The following CCDC171 variants were observed in gnomAD, a reference collection of about 807,000 sequenced individuals.
CCDC171 encodes the protein coiled-coil domain containing 171.
In CCDC171, 177 loss-of-function variants were observed where a neutral mutation model predicts 168.2. The observed-to-expected ratio is 1.05, with a 90% CI of 0.93 to 1.19. The LOEUF is 1.19. CCDC171 is among the 50% of genes most tolerant of loss of function. CCDC171 has a pLI of 0.00. For synonymous variants in CCDC171, 687 were observed against 540.8 expected, an observed-to-expected ratio of 1.27 and a Z score of -3.75; for missense variants, 1,991 against 1,539.0, an observed-to-expected ratio of 1.29 and a Z score of -4.91.
chr9:15,594,036 T>G lies in CCDC171; in HGVS notation c.544-5T>G, dbSNP rs764891150. On this transcript the variant is annotated splice_region_variant and splice_polypyrimidine_tract_variant and intron_variant, in intron 5 of 25. Coordinates refer to ENST00000380701, the MANE Select transcript of CCDC171 (RefSeq NM_173550.4). Reference sequence around the variant, plus strand: ...ACAGTAAAGCAAGATTTTATTTATATAAAGGAAGCGTTGGAAAAACATCAA... The same window carrying G: ...ACAGTAAAGCAAGATTTTATTTATAGAAAGGAAGCGTTGGAAAAACATCAA... 8.9e-6 allele frequency: 14 copies of G among 1,575,850 alleles called. No homozygotes were observed. The African/African-American group carries it at 1.9e-4, about 22-fold the overall frequency.
At chr9:16,053,747 A>G (rs1305992823) in intron 1 of CCDC171, among the ~76,000 whole-genome samples, 1 of 152,178 alleles carries the variant, frequency 6.6e-6, no homozygotes, top group East Asian at 1.9e-4. Flanking sequence ...GCACCTCAAG[A>G]TGGTGTCTCC....
intron 12 of CCDC171, 129 bp from the exon 13 acceptor site, chr9:15,723,551 GA>G (rs2053619532): frequency 2.2e-5 from 14 of 643,674 alleles, no homozygotes; most frequent in South Asian, 3.9e-5. Flanking sequence ...AATTACTATT[GA>G]AAAATTTGTA....
At chr9:15,923,148 A>G (rs762842339) in intron 25 of CCDC171, among the ~76,000 whole-genome samples, 1 of 151,368 alleles carries the variant, frequency 6.6e-6, no homozygotes, top group Admixed American at 6.6e-5. Flanking sequence ...GAACAATGGC[A>G]TGGAGTTACC....
At chr9:15,860,574 A>G (rs558981155) in intron 23 of CCDC171, among the ~76,000 whole-genome samples, 1 of 152,036 alleles carries the variant, frequency 6.6e-6, no homozygotes, top group East Asian at 1.9e-4. Flanking sequence ...TTTTTCTTCT[A>G]TACTTTGTTT....
intron 24 of CCDC171, among the ~76,000 whole-genome samples, chr9:15,908,074 A>T (rs1032988356): frequency 8.6e-5 from 13 of 151,744 alleles, no homozygotes; most frequent in East Asian, 1.9e-4. Flanking sequence ...AAACTAGTTC[A>T]ACCATTGTGG....
At chr9:16,060,344 G>A (rs558121379) in intron 1 of CCDC171, among the ~76,000 whole-genome samples, 3 of 152,136 alleles carry the variant, frequency 2.0e-5, no homozygotes, top group Non-Finnish European at 2.9e-5. Context: ...TTTGCGTGGC[G>A]CCTCGAGACC....
intron 23 of CCDC171, among the ~76,000 whole-genome samples, chr9:15,873,744 T>C (rs1817488387): frequency 1.3e-5 from 2 of 152,116 alleles, no homozygotes. Flanking sequence ...ATATAAGGAA[T>C]ATTTTCTCAT....
chr9:15,670,851 T>G (rs1049298105), intron 9 of CCDC171, among the ~76,000 whole-genome samples: 1 of 152,132 alleles, frequency 6.6e-6, no homozygotes, highest in Admixed American at 6.6e-5. Context: ...AATAAAGATT[T>G]ATGGAATTGG....
chr9:15,698,492 GC>G (rs1231656215), intron 11 of CCDC171, among the ~76,000 whole-genome samples: 4 of 141,796 alleles, frequency 2.8e-5, no homozygotes, highest in African/African-American at 1.1e-4. Flanking sequence ...CTGCACTCCA[GC>G]CTGGGCAACA....
At chr9:15,885,839 A>G (rs1351250320) in intron 24 of CCDC171, 1 of 152,192 alleles carries the variant, frequency 6.6e-6, no homozygotes, top group Non-Finnish European at 1.5e-5. Flanking sequence ...AAATCAGTCT[A>G]AAGCTAAGTA....
At chr9:15,647,930 CAG>C (rs2047182616) in intron 7 of CCDC171, among the ~76,000 whole-genome samples, 1 of 152,190 alleles carries the variant, frequency 6.6e-6, no homozygotes, top group South Asian at 2.1e-4. Context: ...CAAAGCCTGG[CAG>C]AGACACAACA....
At chr9:15,583,408 CAA>C (rs753789809) in intron 4 of CCDC171, among the ~76,000 whole-genome samples, 8 of 95,784 alleles carry the variant, frequency 8.4e-5, no homozygotes, top group Non-Finnish European at 6.2e-5. Flanking sequence ...GACTCCATCT[CAA>C]AAAAAAAAAA....
At chr9:15,673,341 A>G (rs1160736445) in intron 9 of CCDC171, among the ~76,000 whole-genome samples, 5 of 152,128 alleles carry the variant, frequency 3.3e-5, no homozygotes, top group Non-Finnish European at 5.9e-5. Context: ...AATACGCTTT[A>G]TTTCTTTCTC....
At chr9:15,587,963 G>A (rs201746654) in intron 4 of CCDC171, among the ~76,000 whole-genome samples, 1 of 152,150 alleles carries the variant, frequency 6.6e-6, no homozygotes, top group African/African-American at 2.4e-5. Context: ...GAGGCCAGGC[G>A]CGGTGGCTCA....
intron 6 of CCDC171, among the ~76,000 whole-genome samples, chr9:15,600,770 G>A (rs1365678561): frequency 1.3e-5 from 2 of 152,214 alleles, no homozygotes; most frequent in African/African-American, 4.8e-5. Context: ...TCCTTGAGCT[G>A]CGGTGGGCTC....
chr9:15,943,010 A>G (rs1307607232), intron 25 of CCDC171, among the ~76,000 whole-genome samples: 1 of 152,002 alleles, frequency 6.6e-6, no homozygotes, highest in African/African-American at 2.4e-5. Context: ...AAGCCGTATA[A>G]GGAGATGGGT....
chr9:15,669,870 G>A (rs1195559418), intron 9 of CCDC171, among the ~76,000 whole-genome samples: 1 of 138,296 alleles, frequency 7.2e-6, no homozygotes, highest in South Asian at 2.3e-4. Flanking sequence ...CATTATTTTT[G>A]TTTACATTAT....
At chr9:16,057,624 C>T (rs1386683733) in intron 1 of CCDC171, among the ~76,000 whole-genome samples, 1 of 152,288 alleles carries the variant, frequency 6.6e-6, no homozygotes, top group East Asian at 1.9e-4. Context: ...ACCCTTGTCC[C>T]TTGTCTCTTC....
chr9:15,581,150 G>A (rs2041080562), intron 4 of CCDC171, among the ~76,000 whole-genome samples: 1 of 152,062 alleles, frequency 6.6e-6, no homozygotes, highest in Non-Finnish European at 1.5e-5. Flanking sequence ...GACAAACAGA[G>A]AGCCAAATCA....
Sources: allele counts gnomAD v4.1 joint callset (sites outside exome capture counted in the v4.1 genomes callset), GRCh38; gene constraint gnomAD v4.1.1; transcripts MANE v1.5; gene names NCBI Gene and HGNC (gene_info 2026-07-23, HGNC 2026-07-21).